PDPK1: variants seen among roughly 807,000 people sequenced by gnomAD.
The protein encoded by PDPK1 is 3-phosphoinositide dependent protein kinase 1.
In PDPK1, 7 loss-of-function variants were observed where a neutral mutation model predicts 39.8. That is an observed-to-expected ratio of 0.18 (90% CI 0.10 to 0.33). The LOEUF (loss-of-function observed/expected upper bound fraction) is 0.33. Ranked by LOEUF, PDPK1 falls within the 10% of genes least tolerant of loss-of-function variation. The probability of loss-of-function intolerance (pLI) is 1.00; values close to 1 mark genes in which losing one functional copy is unlikely to be tolerated. For missense variants in PDPK1, 182 were observed against 384.7 expected (o/e 0.47, Z 4.41); for synonymous variants, 118 against 159.1 (o/e 0.74, Z 1.95).
At chr16:2,547,345 G>A (rs2066370106) in intron 1 of PDPK1, among the ~76,000 whole-genome samples, 1 of 129,454 alleles carries the variant, frequency 7.7e-6, no homozygotes, top group Non-Finnish European at 1.6e-5. Flanking sequence ...CAGAGCACGG[G>A]CTCAGACGCT....
intron 10 of PDPK1, among the ~76,000 whole-genome samples, chr16:2,585,882 C>A (rs893940679): frequency 6.6e-6 from 1 of 152,200 alleles, no homozygotes; most frequent in African/African-American, 2.4e-5. Flanking sequence ...GAAGGGCATG[C>A]CGCACTCTTA....
Position 2,593,486 on chromosome 16 carries a change from C to G in PDPK1, c.1344-2307C>G, listed in dbSNP as rs768902050. 4.1e-5 allele frequency: 9 copies of G among 217,908 alleles called. No homozygotes were observed. The highest frequency in any genetic ancestry group is 5.5e-5 in the Non-Finnish European group (6 of 108,470). The allele number at this position is 217,908 out of a possible 1,614,324, so 13.5% of individuals were successfully genotyped here. ...TCGCTCTCAGCCAGGAAGGCGGCCC[C>G]TCCCACACAGGTTGCAGGGATGGGC... On this transcript the variant is annotated intron_variant, in intron 11 of 13. Transcript: ENST00000342085. The surrounding 1 kb of genome is among the most constrained non-coding windows in gnomAD (Gnocchi z 4.2).
rs1468393731 is a variant in PDPK1 at position 2,597,635 on chromosome 16, G to A, written c.1555-16G>A. 6 of 1,578,694 alleles carry A rather than the reference G, an allele frequency of 3.8e-6. No homozygotes were observed. The highest frequency in any genetic ancestry group is 5.2e-6 in the Non-Finnish European group (6 of 1,148,062). On this transcript the variant is annotated splice_polypyrimidine_tract_variant and intron_variant, in intron 13 of 13. Coordinates refer to ENST00000342085, the MANE Select transcript of PDPK1 (RefSeq NM_002613.5). The surrounding 1 kb of genome is among the most constrained non-coding windows in gnomAD (Gnocchi z 6.3). ...GGGACTCCCTGGAGAACACTAAACG[G>A]CTTCTGTCTTCGCAGCCTAACAGGA...
chr16:2,585,995 G>A (rs1312607978), intron 10 of PDPK1, among the ~76,000 whole-genome samples: 3 of 152,198 alleles, frequency 2.0e-5, no homozygotes, highest in Non-Finnish European at 2.9e-5. Context: ...CCTTGCCCAG[G>A]GACTCTCTGG....
In PDPK1 at chr16:2,593,138, C is replaced by T. The variant is rs1313321066; in HGVS notation, c.1344-2655C>T. ...CAGGTGCCGAGCGGGAGCACCACTCCTGCACGCCCGTGCCTGTGGCATGCC... is the reference window on the plus strand; with the variant it reads ...CAGGTGCCGAGCGGGAGCACCACTCTTGCACGCCCGTGCCTGTGGCATGCC... On this transcript the variant is annotated intron_variant, in intron 11 of 13. Transcript: ENST00000342085. The surrounding 1 kb of genome is among the most constrained non-coding windows in gnomAD (Gnocchi z 4.2). 1 of 454,628 alleles carries T rather than the reference C, an allele frequency of 2.2e-6. No homozygotes were observed. The highest frequency in any genetic ancestry group is 4.4e-6 in the Non-Finnish European group (1 of 226,868). 28.2% of individuals were successfully genotyped at this position (454,628 alleles called of 1,614,324 possible). A position where few individuals can be genotyped will look rare whatever the true frequency, so the allele number is the denominator to read the frequency against.
chr16:2,587,166 C>T lies in PDPK1; in HGVS notation c.1343+273C>T, dbSNP rs139107118. 4.8e-3 allele frequency among the ~76,000 whole-genome samples: 730 copies of T among 152,342 alleles called. 5 individuals carry two copies. The highest frequency in any genetic ancestry group is 8.1e-3 in the Non-Finnish European group (552 of 68,038). ...ATGGAGTCACTGTGGTATGGACAGA[C>T]GCGGCCTGGACCTGGCCACTTGGGA... On this transcript the variant is annotated intron_variant, in intron 11 of 13. Coordinates refer to ENST00000342085, the MANE Select transcript of PDPK1 (RefSeq NM_002613.5).
chr16:2,596,981 C>G, intron 12 of PDPK1, 142 bp from the exon 13 acceptor site: 1 of 489,762 alleles, frequency 2.0e-6, no homozygotes, highest in East Asian at 3.2e-5. Flanking sequence ...GGCAGGAAGT[C>G]CCCTGCCCCT....
intron 1 of PDPK1, among the ~76,000 whole-genome samples, chr16:2,545,967 C>T (rs2066336598): frequency 6.6e-6 from 1 of 152,150 alleles, no homozygotes; most frequent in African/African-American, 2.4e-5. Flanking sequence ...GGGTAGTTGT[C>T]TCGTATTTTA....
chr16:2,545,319 CTTCT>C (rs1410343256), intron 1 of PDPK1, among the ~76,000 whole-genome samples: 2 of 151,606 alleles, frequency 1.3e-5, no homozygotes, highest in Non-Finnish European at 2.9e-5. Flanking sequence ...CTTTCTTGTT[CTTCT>C]TTCTTTCTCT....
intron 1 of PDPK1, among the ~76,000 whole-genome samples, chr16:2,539,898 T>A (rs562528177): frequency 6.6e-6 from 1 of 152,268 alleles, no homozygotes; most frequent in African/African-American, 2.4e-5. Flanking sequence ...ATGATGGACA[T>A]TTCATATCTG....
intron 11 of PDPK1, 101 bp from the exon 12 acceptor site, chr16:2,595,692 G>T (rs546784059): frequency 6.6e-6 from 6 of 909,774 alleles, no homozygotes; most frequent in African/African-American, 1.6e-5. Flanking sequence ...GCTCTGTGAG[G>T]GGCAGGCCGA....
At chr16:2,596,897 T>G (rs2067114311) in intron 12 of PDPK1, among the ~76,000 whole-genome samples, 1 of 151,996 alleles carries the variant, frequency 6.6e-6, no homozygotes, top group Non-Finnish European at 1.5e-5. Context: ...CCGATCTGGA[T>G]GGGCTGTCTG....
chr16:2,597,820 G>T lies in PDPK1; in HGVS notation c.*53G>T, dbSNP rs374100568. On this transcript the variant is annotated 3_prime_UTR_variant, in exon 14 of 14. Transcript: ENST00000342085. The surrounding 1 kb of genome is among the most constrained non-coding windows in gnomAD (Gnocchi z 6.3). ...CTGCCAGGACACCTGCCCCAGCGCGGCTTGGCCGCCATCCGGGACGCTTCC... is the reference window on the plus strand; with the variant it reads ...CTGCCAGGACACCTGCCCCAGCGCGTCTTGGCCGCCATCCGGGACGCTTCC... 1 of 1,279,638 alleles carries T rather than the reference G, an allele frequency of 7.8e-7. No individual in the cohort carries two copies. The highest frequency in any genetic ancestry group is 1.1e-6 in the Non-Finnish European group (1 of 884,004). The allele number at this position is 1,279,638 out of a possible 1,614,324, so 79.3% of individuals were successfully genotyped here. A position where few individuals can be genotyped will look rare whatever the true frequency, so the allele number is the denominator to read the frequency against.
chr16:2,585,446 C>T (rs1305091529), intron 10 of PDPK1, among the ~76,000 whole-genome samples: 1 of 152,254 alleles, frequency 6.6e-6, no homozygotes, highest in Admixed American at 6.5e-5. Flanking sequence ...TGCAGGGCCG[C>T]ACCCCCTCCT....
At chr16:2,592,897 G>C (rs1183736620) in intron 11 of PDPK1, 2 of 456,560 alleles carry the variant, frequency 4.4e-6, no homozygotes, top group South Asian at 1.5e-5. Flanking sequence ...GGTGGCGCCT[G>C]TCCGTGGGGC....
intron 1 of PDPK1, among the ~76,000 whole-genome samples, chr16:2,545,473 A>C (rs1396563865): frequency 6.6e-6 from 1 of 151,850 alleles, no homozygotes; most frequent in African/African-American, 2.4e-5. Context: ...AGCTGGGACT[A>C]TAGGCCTGTG....
chr16:2,587,185 C>G (rs1482243647), intron 11 of PDPK1, among the ~76,000 whole-genome samples: 9 of 152,226 alleles, frequency 5.9e-5, no homozygotes, highest in Admixed American at 5.9e-4. Flanking sequence ...GACCTGGCCA[C>G]TTGGGAGTTT....
intron 1 of PDPK1, among the ~76,000 whole-genome samples, chr16:2,543,850 T>A (rs1403943906): frequency 6.6e-6 from 1 of 151,876 alleles, no homozygotes; most frequent in East Asian, 1.9e-4. Flanking sequence ...GCCTCCTGAG[T>A]AGCTGGGATT....
intron 11 of PDPK1, among the ~76,000 whole-genome samples, chr16:2,590,137 T>C (rs910412681): frequency 7.2e-5 from 11 of 152,180 alleles, no homozygotes; most frequent in African/African-American, 2.7e-4. Context: ...TCTTTTTTTT[T>C]TGAGGCGGAG....
Sources: gnomAD v4.1 joint callset for allele counts (sites outside exome capture counted in the v4.1 genomes callset) on GRCh38, gnomAD v4.1.1 for gene constraint, Gnocchi (gnomAD v3.1) non-coding constraint, MANE v1.5 for transcripts, NCBI Gene and HGNC (gene_info 2026-07-23, HGNC 2026-07-21) for gene names.